Variants in CCDC102B observed in about 807,000 individuals in gnomAD.
CCDC102B encodes coiled-coil domain containing 102B.
A neutral mutation model predicts 57.4 loss-of-function variants in CCDC102B; 75 were observed. The ratio of observed to expected loss-of-function variants is 1.31; its 90% CI spans 1.08 to 1.58. The LOEUF is 1.58. Ranked by LOEUF, CCDC102B falls within the 40% of genes most tolerant of loss-of-function variation. CCDC102B has a pLI of 0.00. For missense variants in CCDC102B, 636 were observed against 582.6 expected, an observed-to-expected ratio of 1.09 and a Z score of -0.94; for synonymous variants, 206 against 201.9, an observed-to-expected ratio of 1.02 and a Z score of -0.17.
At chr18:68,874,416 T>C (rs1568304167) in intron 4 of CCDC102B, among the ~76,000 whole-genome samples, 2 of 151,922 alleles carry the variant, frequency 1.3e-5, no homozygotes, top group Admixed American at 6.6e-5. Context: ...AACTGAGTTA[T>C]GCCTATTTTT....
At chr18:68,749,258 G>A (rs2033748945) in intron 2 of CCDC102B, among the ~76,000 whole-genome samples, 1 of 151,908 alleles carries the variant, frequency 6.6e-6, no homozygotes, top group Non-Finnish European at 1.5e-5. Flanking sequence ...TGGCAATGTG[G>A]GCTCTTTTTT....
At chr18:68,830,486 G>A (rs2037098566) in intron 1 of CCDC102B, among the ~76,000 whole-genome samples, 1 of 150,278 alleles carries the variant, frequency 6.7e-6, no homozygotes, top group Non-Finnish European at 1.5e-5. Context: ...AGAAAATTGG[G>A]ATAGTTTGTG....
intron 5 of CCDC102B, among the ~76,000 whole-genome samples, chr18:68,886,386 T>A (rs909537859): frequency 1.7e-4 from 26 of 151,718 alleles, no homozygotes; most frequent in African/African-American, 4.1e-4. Flanking sequence ...GAAAAAAAAA[T>A]TTTCAGTAAA....
chr18:68,943,598 G>A (rs981101985), intron 6 of CCDC102B, among the ~76,000 whole-genome samples: 11 of 152,126 alleles, frequency 7.2e-5, no homozygotes, highest in African/African-American at 1.2e-4. Context: ...CAATAAAGAC[G>A]TTGTTCATTC....
At chr18:69,025,612 C>A (rs1298579006) in intron 7 of CCDC102B, among the ~76,000 whole-genome samples, 1 of 152,160 alleles carries the variant, frequency 6.6e-6, no homozygotes, top group Non-Finnish European at 1.5e-5. Flanking sequence ...AGTTATAGAT[C>A]ATAAAGCACA....
intron 6 of CCDC102B, chr18:68,908,195 A>G (rs977651890): frequency 3.3e-5 from 5 of 152,134 alleles, no homozygotes; most frequent in African/African-American, 9.7e-5. Context: ...AGTATTGCAT[A>G]TAGGATAGTT....
intron 2 of CCDC102B, among the ~76,000 whole-genome samples, chr18:68,721,914 T>G (rs546985249): frequency 6.6e-6 from 1 of 152,338 alleles, no homozygotes; most frequent in African/African-American, 2.4e-5. Context: ...CCATAGGAAC[T>G]TGGACACTAT....
In CCDC102B at chr18:68,946,857, A is replaced by G. The variant is rs2049554864; in HGVS notation, c.1263+49429A>G. Among the ~76,000 whole-genome samples, 3 of 152,034 alleles carry G rather than the reference A, an allele frequency of 2.0e-5. No homozygotes were observed. The South Asian group carries it at 6.2e-4, about 32-fold the overall frequency. ...GCTACACCATTTACATGGAAATTGT[A>G]TTATTCTGTGAGGGGAATAATGCTG... On this transcript the variant is annotated intron_variant, in intron 6 of 7. Transcript: ENST00000360242.
At chr18:68,775,158 A>G (rs1188056814) in intron 2 of CCDC102B, among the ~76,000 whole-genome samples, 1 of 151,556 alleles carries the variant, frequency 6.6e-6, no homozygotes, top group Non-Finnish European at 1.5e-5. Flanking sequence ...ATCACTTCTA[A>G]TATTGACAGA....
chr18:68,735,151 A>C lies in CCDC102B; in HGVS notation c.-67+18557A>C, dbSNP rs112562690. ...ACTGCAACCTCTGCCTCCCGGGTTCAAGTGATTCTCCTGCCTCAGCCTCCT... is the reference window on the plus strand; with the variant it reads ...ACTGCAACCTCTGCCTCCCGGGTTCCAGTGATTCTCCTGCCTCAGCCTCCT... On this transcript the variant is annotated intron_variant, in intron 2 of 3. Coordinates refer to the CCDC102B transcript ENST00000578970. Among the ~76,000 whole-genome samples the C allele has an allele frequency of 7.6e-3, 1,162 of 152,210 alleles. 14 individuals are homozygous for C. The highest frequency in any genetic ancestry group is 0.025 in the African/African-American group (1,032 of 41,524).
At chr18:68,992,727 C>T (rs1056817306) in intron 6 of CCDC102B, 1 of 154,778 alleles carries the variant, frequency 6.5e-6, no homozygotes, top group Non-Finnish European at 1.4e-5. Context: ...CCGCTCTCGC[C>T]AGGCAGTGTG....
chr18:69,028,740 A>T (rs1469146872), intron 7 of CCDC102B, among the ~76,000 whole-genome samples: 1 of 152,130 alleles, frequency 6.6e-6, no homozygotes, highest in Non-Finnish European at 1.5e-5. Flanking sequence ...ATAACTGGTG[A>T]CCTACAGTGA....
intron 1 of CCDC102B, among the ~76,000 whole-genome samples, chr18:68,832,637 C>T (rs760065185): frequency 1.6e-4 from 24 of 150,906 alleles, no homozygotes; most frequent in Non-Finnish European, 3.1e-4. Flanking sequence ...AAACTAAGAA[C>T]CCAAGACTGT....
rs756429276 is a variant in CCDC102B at position 68,732,593 on chromosome 18, T to A, written c.-67+15999T>A. Among the ~76,000 whole-genome samples the A allele has an allele frequency of 3.3e-4, 50 of 152,064 alleles. 1 individual carries two copies. The highest frequency in any genetic ancestry group is 6.0e-4 in the Non-Finnish European group (41 of 68,014). ...AACTCCTGACCTCAGGCGATCTGCC[T>A]GCCTCAGCCTCCCAAAGTACTGGGA... is the stretch of plus-strand genomic sequence containing the variant. On this transcript the variant is annotated intron_variant, in intron 2 of 3. Transcript: ENST00000578970.
chr18:68,948,250 C>T (rs937571065), intron 6 of CCDC102B, among the ~76,000 whole-genome samples: 4 of 152,094 alleles, frequency 2.6e-5, no homozygotes, highest in South Asian at 4.2e-4. Context: ...AGCATATTGT[C>T]GATGTACAGG....
intron 2 of CCDC102B, among the ~76,000 whole-genome samples, chr18:68,725,585 C>T (rs1425681563): frequency 6.6e-5 from 10 of 152,198 alleles, no homozygotes; most frequent in Admixed American, 6.5e-4. Flanking sequence ...ACTCATGGCC[C>T]ACTTCAAAGC....
At chr18:69,009,779 A>T (rs2145387958) in intron 6 of CCDC102B, among the ~76,000 whole-genome samples, 1 of 151,788 alleles carries the variant, frequency 6.6e-6, no homozygotes, top group Admixed American at 6.6e-5. Flanking sequence ...GCATTTTTTT[A>T]TTATTGCCTT....
intron 2 of CCDC102B, among the ~76,000 whole-genome samples, chr18:68,745,075 T>G (rs576306267): frequency 2.3e-4 from 35 of 152,220 alleles, no homozygotes; most frequent in African/African-American, 8.2e-4. Flanking sequence ...CTGGAGTCAG[T>G]AGGAGAGACT....
At chr18:68,869,251 C>A (rs2039135080) in intron 4 of CCDC102B, among the ~76,000 whole-genome samples, 1 of 152,096 alleles carries the variant, frequency 6.6e-6, no homozygotes, top group African/African-American at 2.4e-5. Context: ...TGGGATGACT[C>A]TGGGTTGGGG....
Sources: gnomAD v4.1 joint callset for allele counts (sites outside exome capture counted in the v4.1 genomes callset) on GRCh38, gnomAD v4.1.1 for gene constraint, MANE v1.5 for transcripts, NCBI Gene and HGNC (gene_info 2026-07-23, HGNC 2026-07-21) for gene names.